The following NTM variants were observed in gnomAD, a reference collection of about 807,000 sequenced individuals.
The protein encoded by NTM is IgLON family member 2.
NTM carries 13 observed loss-of-function variants against 42.1 expected under a neutral mutation model. The ratio of observed to expected loss-of-function variants is 0.31; its 90% CI spans 0.20 to 0.49. NTM has a LOEUF of 0.49. NTM is among the 20% of genes least tolerant of loss of function. The pLI is 0.99. For synonymous variants in NTM, 187 were observed against 179.2 expected (o/e 1.04, Z -0.35); for missense variants, 373 against 452.8 (o/e 0.82, Z 1.60).
chr11:132,148,775 G>T (rs1187105454), intron 3 of NTM, among the ~76,000 whole-genome samples: 1 of 152,134 alleles, frequency 6.6e-6, no homozygotes, highest in Non-Finnish European at 1.5e-5. Flanking sequence ...TCTTATATGG[G>T]CTCCAAGAGA....
rs147478167 is a variant in NTM, at chr11:132,255,703, C to A, written c.526+43556C>A. ...TCATCTGCTGAACCACCTGAGTCAC[C>A]TTCACCTTTCTGCTGCTGACTCTTG... On this transcript the variant is annotated intron_variant, in intron 4 of 8. Coordinates refer to ENST00000683400, the MANE Select transcript of NTM (RefSeq NM_001352005.2). Among the ~76,000 whole-genome samples the A allele has an allele frequency of 5.5e-3, 845 of 152,272 alleles. 6 individuals are homozygous for A. Among genetic ancestry groups the A allele is most frequent in the Non-Finnish European group, 9.5e-3 (643 of 68,024 alleles).
intron 2 of NTM, among the ~76,000 whole-genome samples, chr11:132,037,910 C>G (rs916352765): frequency 1.3e-5 from 2 of 152,234 alleles, no homozygotes; most frequent in Non-Finnish European, 2.9e-5. Flanking sequence ...ACTGCTGAAG[C>G]AGATAACTCC....
chr11:132,027,871 A>G (rs2075391198), intron 2 of NTM, among the ~76,000 whole-genome samples: 1 of 152,076 alleles, frequency 6.6e-6, no homozygotes. Flanking sequence ...CATTGCATGT[A>G]TATTACACTT....
intron 1 of NTM, among the ~76,000 whole-genome samples, chr11:131,545,586 GA>G (rs1158287914): frequency 3.3e-5 from 5 of 152,138 alleles, no homozygotes; most frequent in Non-Finnish European, 7.3e-5. Flanking sequence ...TCAGAATAGA[GA>G]GCTGAACAGT....
At chr11:132,019,982 C>G (rs916977190) in intron 2 of NTM, among the ~76,000 whole-genome samples, 6 of 151,906 alleles carry the variant, frequency 3.9e-5, no homozygotes, top group African/African-American at 1.5e-4. Flanking sequence ...GTTATTCAAT[C>G]CTGTACTCCT....
chr11:131,944,073 G>A (rs943196525), intron 2 of NTM, among the ~76,000 whole-genome samples: 4 of 151,448 alleles, frequency 2.6e-5, no homozygotes, highest in African/African-American at 9.7e-5. Context: ...TTTCTTTTCT[G>A]TGAGAGCTTA....
At chr11:132,213,057 G>T (rs1307925559) in intron 4 of NTM, among the ~76,000 whole-genome samples, 1 of 152,176 alleles carries the variant, frequency 6.6e-6, no homozygotes, top group Non-Finnish European at 1.5e-5. Flanking sequence ...TCAGAGAAGG[G>T]CTCTGAAAAG....
chr11:132,063,245 A>G (rs1337280012), intron 2 of NTM, among the ~76,000 whole-genome samples: 4 of 152,194 alleles, frequency 2.6e-5, no homozygotes, highest in Non-Finnish European at 5.9e-5. Context: ...TCCTCCTCCA[A>G]ATACCCTTGC....
rs1308941705 is a variant in NTM at position 131,976,155 on chromosome 11, CCTTTCTTCCTTCCTTCCTTT to C, written c.167+64511_167+64530del. 3.4e-4 allele frequency among the ~76,000 whole-genome samples: 44 copies of C among 130,050 alleles called. 2 individuals are homozygous for C. Among genetic ancestry groups the C allele is most frequent in the African/African-American group, 1.2e-3 (43 of 35,054 alleles). The allele number at this position is 130,050 out of a possible 152,430, so 85.3% of individuals were successfully genotyped here. ...TCCTTCCTTCCTTCCTTCCTTCCTT[CCTTTCTTCCTTCCTTCCTTT>C]CTTCCTTTCTTCTTCAGTTTAACTC... On this transcript the variant is annotated intron_variant, in intron 2 of 8. Coordinates refer to ENST00000683400, the MANE Select transcript of NTM (RefSeq NM_001352005.2).
chr11:132,171,973 T>C (rs1231906354), intron 3 of NTM, among the ~76,000 whole-genome samples: 1 of 152,192 alleles, frequency 6.6e-6, no homozygotes, highest in Admixed American at 6.5e-5. Context: ...CCCACTAACT[T>C]CATTTCCCAT....
At chr11:132,238,264 T>C (rs1336069823) in intron 4 of NTM, among the ~76,000 whole-genome samples, 1 of 151,922 alleles carries the variant, frequency 6.6e-6, no homozygotes, top group Non-Finnish European at 1.5e-5. Context: ...CGCCCAGAGA[T>C]GTGTGCATAA....
At chr11:131,793,441 T>C (rs563468812) in intron 1 of NTM, among the ~76,000 whole-genome samples, 35 of 152,370 alleles carry the variant, frequency 2.3e-4, no homozygotes, top group African/African-American at 7.9e-4. Context: ...CCCAATACTT[T>C]ACTGTGTTAT....
chr11:132,305,403 A>G (rs2095042137), intron 4 of NTM, among the ~76,000 whole-genome samples: 2 of 152,218 alleles, frequency 1.3e-5, no homozygotes, highest in Non-Finnish European at 2.9e-5. Flanking sequence ...AGCTGTCCAG[A>G]GCTAATTTAT....
intron 2 of NTM, among the ~76,000 whole-genome samples, chr11:132,052,225 G>A (rs2135931048): frequency 6.6e-6 from 1 of 152,300 alleles, no homozygotes; most frequent in Admixed American, 6.5e-5. Flanking sequence ...AATCCACAAA[G>A]CTGTGATCCC....
chr11:131,617,321 A>G lies in NTM; in HGVS notation c.82+246433A>G, dbSNP rs150276198. ...ACTGAGTACACTTTGCGGAAAGAAAACGTGTGCTTCGTACGTGCATATGTT... is the reference window on the plus strand; with the variant it reads ...ACTGAGTACACTTTGCGGAAAGAAAGCGTGTGCTTCGTACGTGCATATGTT... On this transcript the variant is annotated intron_variant, in intron 1 of 8. Coordinates refer to ENST00000683400, the MANE Select transcript of NTM (RefSeq NM_001352005.2). Among the ~76,000 whole-genome samples the G allele has an allele frequency of 1.6e-3, 242 of 152,180 alleles. 2 individuals are homozygous for G. The highest frequency in any genetic ancestry group is 5.6e-3 in the African/African-American group (231 of 41,492).
intron 1 of NTM, among the ~76,000 whole-genome samples, chr11:131,819,685 C>T (rs1171858934): frequency 2.6e-5 from 4 of 152,186 alleles, no homozygotes; most frequent in Non-Finnish European, 5.9e-5. Flanking sequence ...TCCCCATTTC[C>T]AAGCTCACTT....
At chr11:131,754,560 G>A (rs779110754) in intron 1 of NTM, among the ~76,000 whole-genome samples, 6 of 151,926 alleles carry the variant, frequency 3.9e-5, no homozygotes, top group Non-Finnish European at 7.4e-5. Context: ...GGAAGACAGA[G>A]GTTGCAGTGA....
chr11:132,166,543 TCA>T (rs1566356194), intron 3 of NTM, among the ~76,000 whole-genome samples: 1 of 152,064 alleles, frequency 6.6e-6, no homozygotes, highest in Non-Finnish European at 1.5e-5. Context: ...CTAATGAAAT[TCA>T]GTTTTCCTGC....
At chr11:131,413,359 C>T (rs1420895515) in intron 1 of NTM, among the ~76,000 whole-genome samples, 2 of 152,168 alleles carry the variant, frequency 1.3e-5, no homozygotes, top group African/African-American at 4.8e-5. Context: ...CTTCCTTTTG[C>T]TTTCTGGAGC....
Sources: gnomAD v4.1 joint callset for allele counts (sites outside exome capture counted in the v4.1 genomes callset) on GRCh38, gnomAD v4.1.1 for gene constraint, MANE v1.5 for transcripts, NCBI Gene and HGNC (gene_info 2026-07-23, HGNC 2026-07-21) for gene names.